Variants in PTCHD4 observed in about 807,000 individuals in gnomAD.
The protein encoded by PTCHD4 is patched domain containing 4, also known as patched domain-containing protein 4.
In PTCHD4, 33 loss-of-function variants were observed where a neutral mutation model predicts 58.1. The ratio of observed to expected loss-of-function variants is 0.57; its 90% CI spans 0.43 to 0.76. The LOEUF (loss-of-function observed/expected upper bound fraction) is 0.76. PTCHD4 is among the 30% of genes least tolerant of loss of function. PTCHD4 has a pLI of 0.00. For missense variants in PTCHD4, 1,058 were observed against 1,027.1 expected, an observed-to-expected ratio of 1.03 and a Z score of -0.41; for synonymous variants, 478 against 409.6, an observed-to-expected ratio of 1.17 and a Z score of -2.02.
At chr6:48,011,498 A>G (rs1762673260) in intron 3 of PTCHD4, among the ~76,000 whole-genome samples, 1 of 152,182 alleles carries the variant, frequency 6.6e-6, no homozygotes, top group Non-Finnish European at 1.5e-5. Context: ...ATAGATTGCA[A>G]AAATTTTCTC....
At chr6:47,936,242 T>C (rs1581902929) in intron 4 of PTCHD4, among the ~76,000 whole-genome samples, 1 of 152,268 alleles carries the variant, frequency 6.6e-6, no homozygotes, top group Non-Finnish European at 1.5e-5. Flanking sequence ...AATTATAAGA[T>C]TCTAGAGACA....
At chr6:48,044,748 C>G (rs1763974135) in intron 3 of PTCHD4, among the ~76,000 whole-genome samples, 1 of 151,810 alleles carries the variant, frequency 6.6e-6, no homozygotes, top group Non-Finnish European at 1.5e-5. Context: ...TAAGAATCCT[C>G]TTTTATTGAA....
intron 4 of PTCHD4, among the ~76,000 whole-genome samples, chr6:47,976,684 A>C (rs1767704419): frequency 6.6e-6 from 1 of 150,818 alleles, no homozygotes; most frequent in African/African-American, 2.4e-5. Context: ...ATAAATAAAT[A>C]AATAAATAAA....
rs70999653 is a variant in PTCHD4 at position 47,905,043 on chromosome 6, T to TCACACACACACACACA, written c.899-25123_899-25108dup. 8.8e-3 allele frequency among the ~76,000 whole-genome samples: 1,156 copies of TCACACACACACACACA among 131,610 alleles called. 22 individuals carry two copies. Among genetic ancestry groups the TCACACACACACACACA allele is most frequent in the East Asian group, 0.038 (149 of 3,954 alleles). The allele number at this position is 131,610 out of a possible 152,430, so 86.3% of individuals were successfully genotyped here. A position where few individuals can be genotyped will look rare whatever the true frequency, so the allele number is the denominator to read the frequency against. On this transcript the variant is annotated intron_variant, in intron 4 of 4. Transcript: ENST00000339488. ...AAGAACTAGGAAGAAAATACAGCCATCACACACACACACACACACACACAC... is the reference window on the plus strand; with the variant it reads ...AAGAACTAGGAAGAAAATACAGCCATCACACACACACACACACACACACACACACACACACACACAC...
intron 3 of PTCHD4, among the ~76,000 whole-genome samples, chr6:48,064,791 G>A (rs1171552074): frequency 6.6e-6 from 1 of 152,074 alleles, no homozygotes; most frequent in African/African-American, 2.4e-5. Context: ...GTACAGAAAG[G>A]ATATACGATA....
At chr6:47,937,614 T>C (rs1198098054) in intron 4 of PTCHD4, among the ~76,000 whole-genome samples, 1 of 152,072 alleles carries the variant, frequency 6.6e-6, no homozygotes, top group Non-Finnish European at 1.5e-5. Flanking sequence ...ACACTTGAGG[T>C]TCAGGACATA....
At chr6:47,886,392 A>G (rs193079227) in intron 4 of PTCHD4, among the ~76,000 whole-genome samples, 1 of 152,274 alleles carries the variant, frequency 6.6e-6, no homozygotes, top group African/African-American at 2.4e-5. Flanking sequence ...TTGCCTTCAG[A>G]AGACATACTG....
intron 4 of PTCHD4, among the ~76,000 whole-genome samples, chr6:47,909,539 C>T (rs1765001222): frequency 6.6e-6 from 1 of 152,058 alleles, no homozygotes; most frequent in South Asian, 2.1e-4. Context: ...CCTTGACCTC[C>T]TGGGCTCAAG....
chr6:47,999,965 T>C (rs1299950377), intron 4 of PTCHD4, among the ~76,000 whole-genome samples: 1 of 152,230 alleles, frequency 6.6e-6, no homozygotes, highest in African/African-American at 2.4e-5. Flanking sequence ...TTTGCCCATC[T>C]GTGTTTTCTA....
intron 4 of PTCHD4, among the ~76,000 whole-genome samples, chr6:47,990,977 T>C (rs576328797): frequency 2.0e-5 from 3 of 152,152 alleles, no homozygotes; most frequent in African/African-American, 7.2e-5. Context: ...AAGAAATCTT[T>C]CACAATGTAG....
At chr6:48,066,138 C>A (rs3846901) in intron 3 of PTCHD4, among the ~76,000 whole-genome samples, 2 of 151,724 alleles carry the variant, frequency 1.3e-5, no homozygotes, top group East Asian at 3.9e-4. Flanking sequence ...CTCTGTCACC[C>A]AGACTACTAC....
chr6:47,890,306 A>G (rs1764337782), intron 4 of PTCHD4, among the ~76,000 whole-genome samples: 2 of 152,066 alleles, frequency 1.3e-5, no homozygotes, highest in African/African-American at 4.8e-5. Flanking sequence ...TGACAATTGC[A>G]GTCAAGATTT....
chr6:48,047,757 G>A (rs1463325260), intron 3 of PTCHD4, among the ~76,000 whole-genome samples: 3 of 151,842 alleles, frequency 2.0e-5, no homozygotes, highest in South Asian at 2.1e-4. Context: ...TGAGGACAGA[G>A]AGAGAAAAGA....
intron 1 of PTCHD4, among the ~76,000 whole-genome samples, chr6:48,095,598 G>C (rs1320942029): frequency 6.6e-6 from 1 of 152,086 alleles, no homozygotes. Context: ...GCTGAGGCAG[G>C]AGAATGGCTG....
chr6:47,916,236 A>G (rs1273637328), intron 4 of PTCHD4, among the ~76,000 whole-genome samples: 2 of 152,112 alleles, frequency 1.3e-5, no homozygotes, highest in African/African-American at 4.8e-5. Context: ...GGACCTTAGC[A>G]GTCCCGCTAG....
Position 47,858,537 on chromosome 6 carries a change from A to T in PTCHD4, c.*19766T>A, listed in dbSNP as rs1473874341. ...ATGCTGAAACCTATGTGGTATAATT[A>T]ATAAAGCATTTTTTACCACAGATAA... On this transcript the variant is annotated 3_prime_UTR_variant, in exon 5 of 5. Transcript: ENST00000339488. 1.3e-5 allele frequency among the ~76,000 whole-genome samples: 2 copies of T among 152,072 alleles called. No homozygotes were observed.
At chr6:48,020,540 A>G (rs910915494) in intron 3 of PTCHD4, among the ~76,000 whole-genome samples, 1 of 152,068 alleles carries the variant, frequency 6.6e-6, no homozygotes, top group Non-Finnish European at 1.5e-5. Flanking sequence ...CTTTTGCACC[A>G]AACTAATAAT....
intron 4 of PTCHD4, among the ~76,000 whole-genome samples, chr6:47,888,642 TGTTTG>T (rs1764273910): frequency 6.6e-6 from 1 of 152,208 alleles, no homozygotes; most frequent in Non-Finnish European, 1.5e-5. Flanking sequence ...TTTGTTTGTT[TGTTTG>T]TTTTTGTTTT....
At chr6:47,888,149 A>C (rs1204894985) in intron 4 of PTCHD4, among the ~76,000 whole-genome samples, 3 of 152,120 alleles carry the variant, frequency 2.0e-5, no homozygotes, top group African/African-American at 7.2e-5. Flanking sequence ...CAAGGTGAGG[A>C]GATCGAGACC....
Sources: gnomAD v4.1 joint callset for allele counts (sites outside exome capture counted in the v4.1 genomes callset) on GRCh38, gnomAD v4.1.1 for gene constraint, MANE v1.5 for transcripts, NCBI Gene and HGNC (gene_info 2026-07-23, HGNC 2026-07-21) for gene names.